ADCY1: variants seen among roughly 807,000 people sequenced by gnomAD.
The protein encoded by ADCY1 is adenylate cyclase type 1.
In ADCY1, 28 loss-of-function variants were observed where a neutral mutation model predicts 105.4. The observed-to-expected ratio is 0.27, with a 90% CI of 0.20 to 0.36. The LOEUF (loss-of-function observed/expected upper bound fraction) is 0.36. Among genes scored for constraint, ADCY1 ranks in the 10% least tolerant of loss-of-function variants. The probability of loss-of-function intolerance (pLI) is 1.00; values close to 1 mark genes in which losing one functional copy is unlikely to be tolerated. For synonymous variants in ADCY1, 655 were observed against 623.8 expected, an observed-to-expected ratio of 1.05 and a Z score of -0.75; for missense variants, 977 against 1,434.2, an observed-to-expected ratio of 0.68 and a Z score of 5.15.
chr7:45,670,281 C>T (rs1177338113), intron 8 of ADCY1, among the ~76,000 whole-genome samples: 1 of 152,160 alleles, frequency 6.6e-6, no homozygotes, highest in African/African-American at 2.4e-5. Flanking sequence ...GGACGGCTAC[C>T]TTCCTCTCAA....
intron 2 of ADCY1, among the ~76,000 whole-genome samples, chr7:45,594,065 G>A (rs983779904): frequency 3.9e-5 from 6 of 152,200 alleles, no homozygotes; most frequent in African/African-American, 4.8e-5. Flanking sequence ...GCCTGTGCTC[G>A]TGTGTATGTG....
intron 3 of ADCY1, 87 bp downstream of exon 3, chr7:45,610,584 A>T: frequency 6.3e-6 from 7 of 1,113,776 alleles, no homozygotes; most frequent in East Asian, 2.6e-5. Flanking sequence ...TGATGACAGA[A>T]GTGGGGAAGG....
chr7:45,598,117 A>G (rs1381264210), intron 2 of ADCY1, among the ~76,000 whole-genome samples: 1 of 152,202 alleles, frequency 6.6e-6, no homozygotes, highest in Non-Finnish European at 1.5e-5. Context: ...AGCCCTCTAT[A>G]TCATGGTTAG....
chr7:45,597,124 A>G (rs1000450040), intron 2 of ADCY1, among the ~76,000 whole-genome samples: 3 of 152,162 alleles, frequency 2.0e-5, no homozygotes, highest in African/African-American at 2.4e-5. Context: ...CTGGGTTTGC[A>G]GGAGAGCACA....
intron 2 of ADCY1, among the ~76,000 whole-genome samples, chr7:45,596,832 T>C: frequency 6.6e-6 from 1 of 152,080 alleles, no homozygotes; most frequent in East Asian, 1.9e-4. Flanking sequence ...AGAGGGGAGC[T>C]CCTGAGCCTA....
intron 14 of ADCY1, among the ~76,000 whole-genome samples, chr7:45,698,543 C>G (rs1162513611): frequency 6.6e-6 from 1 of 152,120 alleles, no homozygotes; most frequent in African/African-American, 2.4e-5. Context: ...CCACCTGTTG[C>G]ATTGGCAGGA....
In ADCY1 at chr7:45,575,654, G is replaced by T. The variant is rs1219487723; in HGVS notation, c.639+472G>T. ...CGTGCTGGGCTCGCCTCCCAACCCT[G>T]CGGACCCGAGGGTGGTATATGGGTG... On this transcript the variant is annotated intron_variant, in intron 1 of 19. Transcript: ENST00000297323. This position sits in a 1 kb window ranked among gnomAD's most constrained non-coding sequence, Gnocchi z 4.7. Among the ~76,000 whole-genome samples, 1 of 152,264 alleles carries T rather than the reference G, an allele frequency of 6.6e-6. No homozygotes were observed. The highest frequency in any genetic ancestry group is 1.9e-4 in the East Asian group (1 of 5,192).
At chr7:45,657,125 G>C (rs1052072732) in intron 5 of ADCY1, among the ~76,000 whole-genome samples, 6 of 152,208 alleles carry the variant, frequency 3.9e-5, no homozygotes, top group Admixed American at 2.6e-4. Context: ...CCAGCTCCTG[G>C]TGAATGCCCC....
intron 8 of ADCY1, among the ~76,000 whole-genome samples, chr7:45,663,592 A>G (rs1409840945): frequency 6.6e-6 from 1 of 152,194 alleles, no homozygotes; most frequent in African/African-American, 2.4e-5. Flanking sequence ...AGGCCAAGGC[A>G]GGCGGATCAC....
intron 3 of ADCY1, among the ~76,000 whole-genome samples, chr7:45,617,610 T>A (rs1793772114): frequency 1.3e-5 from 2 of 152,196 alleles, no homozygotes; most frequent in South Asian, 4.2e-4. Context: ...ACTAATAATG[T>A]ACTAGCTGAA....
intron 4 of ADCY1, among the ~76,000 whole-genome samples, chr7:45,637,281 T>C (rs1476062227): frequency 6.6e-6 from 1 of 152,250 alleles, no homozygotes; most frequent in Non-Finnish European, 1.5e-5. Flanking sequence ...TGTTATAAAC[T>C]CCATTTTACA....
At chr7:45,577,333 T>C (rs1350667986) in intron 1 of ADCY1, among the ~76,000 whole-genome samples, 6 of 152,240 alleles carry the variant, frequency 3.9e-5, no homozygotes. Flanking sequence ...GTGGTAGTGA[T>C]ACTGACAAAC....
chr7:45,634,136 G>GTAT (rs1244705550), intron 4 of ADCY1, among the ~76,000 whole-genome samples: 1 of 152,104 alleles, frequency 6.6e-6, no homozygotes, highest in East Asian at 1.9e-4. Flanking sequence ...GTAGGTTTCC[G>GTAT]TATACATACG....
intron 3 of ADCY1, among the ~76,000 whole-genome samples, chr7:45,612,130 C>T (rs1005076412): frequency 5.9e-5 from 9 of 152,136 alleles, no homozygotes; most frequent in African/African-American, 2.2e-4. Context: ...AAGTAAGGAC[C>T]AGTGTTGTCC....
chr7:45,604,437 T>C (rs989134009), intron 2 of ADCY1, among the ~76,000 whole-genome samples: 14 of 152,330 alleles, frequency 9.2e-5, no homozygotes, highest in Admixed American at 3.9e-4. Context: ...CTAGTTCTTA[T>C]GTGTTTTTCT....
At position 45,708,055 on chromosome 7, in the gene ADCY1, G is replaced by A. The variant is rs552260874; in HGVS notation, c.2818-295G>A. ...ATTTGCAATGGCCATTAGCAACGCT[G>A]TCCAAGCAGGAGTTTGAGCACCTGG... is the stretch of plus-strand genomic sequence containing the variant. On this transcript the variant is annotated intron_variant, in intron 17 of 19. Transcript: ENST00000297323. The surrounding 1 kb of genome is among the most constrained non-coding windows in gnomAD (Gnocchi z 4.7). 6.6e-6 allele frequency among the ~76,000 whole-genome samples: 1 copy of A among 152,308 alleles called. No individual in the cohort carries two copies. Among genetic ancestry groups the A allele is most frequent in the South Asian group, 2.1e-4 (1 of 4,826 alleles).
chr7:45,661,912 C>T, intron 7 of ADCY1, 147 bp from the exon 8 acceptor site: 1 of 956,602 alleles, frequency 1.0e-6, no homozygotes, highest in East Asian at 2.6e-5. Context: ...TGGGCACGTT[C>T]CCCAATGCCT....
At chr7:45,644,323 C>G (rs1460013564) in intron 4 of ADCY1, among the ~76,000 whole-genome samples, 1 of 152,198 alleles carries the variant, frequency 6.6e-6, no homozygotes, top group African/African-American at 2.4e-5. Context: ...CTAGACGTTA[C>G]CTCTGTGCCC....
chr7:45,596,246 T>C (rs1793067558), intron 2 of ADCY1, among the ~76,000 whole-genome samples: 1 of 152,208 alleles, frequency 6.6e-6, no homozygotes, highest in Non-Finnish European at 1.5e-5. Context: ...CATGACACAT[T>C]TCCATTCAGC....
Sources: allele counts gnomAD v4.1 joint callset (sites outside exome capture counted in the v4.1 genomes callset), GRCh38; gene constraint gnomAD v4.1.1; non-coding constraint Gnocchi (gnomAD v3.1); transcripts MANE v1.5; gene names NCBI Gene and HGNC (gene_info 2026-07-23, HGNC 2026-07-21).